Variants in LARGE1 observed in about 807,000 individuals in gnomAD.
LARGE1 encodes the protein xylosyl- and glucuronyltransferase LARGE1.
LARGE1 carries 43 observed loss-of-function variants against 87.6 expected under a neutral mutation model. The ratio of observed to expected loss-of-function variants is 0.49; its 90% CI spans 0.38 to 0.63. The LOEUF is 0.63. Among genes scored for constraint, LARGE1 ranks in the 30% least tolerant of loss-of-function variants. LARGE1 has a pLI of 0.00. For missense variants in LARGE1, 802 were observed against 1,000.2 expected (o/e 0.80, Z 2.67); for synonymous variants, 434 against 394.6 (o/e 1.10, Z -1.18).
chr22:33,459,293 CAA>C (rs1308095195), intron 6 of LARGE1, among the ~76,000 whole-genome samples: 1 of 152,132 alleles, frequency 6.6e-6, no homozygotes, highest in Non-Finnish European at 1.5e-5. Context: ...AGCTGAGATT[CAA>C]ACTGGGTTTT....
chr22:33,831,235 T>C (rs2062957990), intron 1 of LARGE1, among the ~76,000 whole-genome samples: 1 of 151,908 alleles, frequency 6.6e-6, no homozygotes, highest in African/African-American at 2.4e-5. Context: ...CATGAGCCAC[T>C]GCGACCGGCT....
At chr22:33,643,136 C>A (rs2080497150) in intron 3 of LARGE1, among the ~76,000 whole-genome samples, 1 of 152,088 alleles carries the variant, frequency 6.6e-6, no homozygotes, top group Admixed American at 6.6e-5. Context: ...AAATCGACCA[C>A]ATAATTGGAA....
At chr22:33,529,880 C>T (rs1022757190) in intron 6 of LARGE1, among the ~76,000 whole-genome samples, 9 of 152,298 alleles carry the variant, frequency 5.9e-5, no homozygotes, top group Non-Finnish European at 1.0e-4. Flanking sequence ...AACCATCTTC[C>T]TCCTTCTCAC....
chr22:33,291,989 G>T (rs1240775248), intron 12 of LARGE1, among the ~76,000 whole-genome samples: 1 of 152,170 alleles, frequency 6.6e-6, no homozygotes, highest in African/African-American at 2.4e-5. Flanking sequence ...AGCTACGCAG[G>T]AGGCTGATGC....
At chr22:33,316,584 T>C (rs1459190568) in intron 10 of LARGE1, among the ~76,000 whole-genome samples, 1 of 151,386 alleles carries the variant, frequency 6.6e-6, no homozygotes, top group Non-Finnish European at 1.5e-5. Context: ...CTACTGAAAA[T>C]AGAAAAATTA....
At chr22:33,311,283 G>A (rs1935564576) in intron 11 of LARGE1, among the ~76,000 whole-genome samples, 1 of 152,156 alleles carries the variant, frequency 6.6e-6, no homozygotes, top group Non-Finnish European at 1.5e-5. Context: ...TAAATGCACT[G>A]TGTCTGCAGC....
chr22:33,853,101 T>C (rs1468212951), intron 1 of LARGE1, among the ~76,000 whole-genome samples: 1 of 151,886 alleles, frequency 6.6e-6, no homozygotes. Context: ...GAGAAATTAA[T>C]CCAAAGGGAA....
At chr22:33,916,555 A>T (rs550806549) in intron 1 of LARGE1, among the ~76,000 whole-genome samples, 8 of 152,200 alleles carry the variant, frequency 5.3e-5, no homozygotes, top group Non-Finnish European at 7.3e-5. Flanking sequence ...TACTCCATGT[A>T]GAGCGACCTC....
At chr22:33,279,809 T>A (rs1454268739) in intron 13 of LARGE1, among the ~76,000 whole-genome samples, 1 of 152,226 alleles carries the variant, frequency 6.6e-6, no homozygotes, top group Non-Finnish European at 1.5e-5. Flanking sequence ...ATGGGCAGTC[T>A]TAACACCTGA....
At chr22:33,824,132 A>G (rs1402653666) in intron 1 of LARGE1, among the ~76,000 whole-genome samples, 1 of 152,212 alleles carries the variant, frequency 6.6e-6, no homozygotes. Context: ...GAGTTTTGCT[A>G]ACATTTTATT....
intron 9 of LARGE1, among the ~76,000 whole-genome samples, chr22:33,353,399 C>CTTTTTTTT (rs879900631): frequency 3.6e-5 from 5 of 138,826 alleles, no homozygotes; most frequent in Non-Finnish European, 6.3e-5. Flanking sequence ...TTCTTTTTTT[C>CTTTTTTTT]TTTTTTTTTT....
exon 12 of LARGE1, chr22:33,162,301 G>A (rs978942242): frequency 2.0e-5 from 3 of 152,202 alleles, no homozygotes; most frequent in African/African-American, 4.8e-5. Context: ...TTACAATTAT[G>A]GTGGAAGGCA....
At chr22:33,113,350 G>A in the LARGE1 span, among the ~76,000 whole-genome samples, 2 of 152,144 alleles carry the variant, frequency 1.3e-5, no homozygotes, top group Non-Finnish European at 2.9e-5. Flanking sequence ...TGGGATTACA[G>A]GCATGTGCCA....
At chr22:33,259,754 C>T (rs1953549449) in intron 11 of LARGE1, among the ~76,000 whole-genome samples, 1 of 152,208 alleles carries the variant, frequency 6.6e-6, no homozygotes, top group South Asian at 2.1e-4. Flanking sequence ...TGAAGTTCCA[C>T]TCTCTGCTTC....
the LARGE1 span, among the ~76,000 whole-genome samples, chr22:33,097,113 C>A: frequency 6.6e-6 from 1 of 152,190 alleles, no homozygotes; most frequent in Non-Finnish European, 1.5e-5. Context: ...CTCACCTGGG[C>A]CCCCTTCCTT....
At position 33,791,887 on chromosome 22, in the gene LARGE1, G is replaced by C. The variant is rs146217842; in HGVS notation, c.-82-30329C>G. ...GTCCAAGGGAAAAAGAAATTTTTAT[G>C]TGTCTTATTTGTGAAGTGCATACTG... On this transcript the variant is annotated intron_variant, in intron 1 of 14. Transcript: ENST00000397394. Among the ~76,000 whole-genome samples the C allele has an allele frequency of 2.0e-5, 3 of 152,306 alleles. No individual in the cohort carries two copies. The East Asian group carries it at 5.8e-4, about 29-fold the overall frequency.
At chr22:33,094,199 T>G in the LARGE1 span, among the ~76,000 whole-genome samples, 1 of 152,134 alleles carries the variant, frequency 6.6e-6, no homozygotes, top group Non-Finnish European at 1.5e-5. Flanking sequence ...CATTTCGATA[T>G]GGGAGCTAAG....
intron 2 of LARGE1, among the ~76,000 whole-genome samples, chr22:33,685,039 C>T (rs1264272289): frequency 6.6e-6 from 1 of 152,152 alleles, no homozygotes; most frequent in Non-Finnish European, 1.5e-5. Context: ...CCAGAGATTT[C>T]CCTTGAGATG....
chr22:33,428,089 G>A (rs1317324017), intron 7 of LARGE1, among the ~76,000 whole-genome samples: 2 of 152,092 alleles, frequency 1.3e-5, no homozygotes, highest in African/African-American at 2.4e-5. Context: ...ATACTTACTC[G>A]TTCTTTCTGA....
Sources: gnomAD v4.1 joint callset for allele counts (sites outside exome capture counted in the v4.1 genomes callset) on GRCh38, gnomAD v4.1.1 for gene constraint, MANE v1.5 for transcripts, NCBI Gene and HGNC (gene_info 2026-07-23, HGNC 2026-07-21) for gene names.